Variants in NLRP5 observed in about 807,000 individuals in gnomAD.
NLRP5 encodes the protein NACHT, LRR and PYD domains-containing protein 5.
NLRP5 carries 93 observed loss-of-function variants against 113.1 expected under a neutral mutation model. The observed-to-expected ratio is 0.82, with a 90% CI of 0.70 to 0.98. The LOEUF (loss-of-function observed/expected upper bound fraction) is 0.98, where lower values mean the gene tolerates loss of function less well. NLRP5 is among the 50% of genes least tolerant of loss of function. The probability of loss-of-function intolerance (pLI) is 0.00; values close to 1 mark genes in which losing one functional copy is unlikely to be tolerated. For synonymous variants in NLRP5, 751 were observed against 600.7 expected (o/e 1.25, Z -3.66); for missense variants, 1,808 against 1,514.3 (o/e 1.19, Z -3.22).
At chr19:56,029,591 T>C (rs1983013541) in intron 7 of NLRP5, among the ~76,000 whole-genome samples, 1 of 152,192 alleles carries the variant, frequency 6.6e-6, no homozygotes, top group Non-Finnish European at 1.5e-5. Flanking sequence ...TAGTCACACA[T>C]AGCTGATGCT....
chr19:56,041,524 G>A (rs1983521370), intron 11 of NLRP5, among the ~76,000 whole-genome samples: 1 of 152,162 alleles, frequency 6.6e-6, no homozygotes, highest in South Asian at 2.1e-4. Context: ...TTAACATTGA[G>A]CACATGACCA....
chr19:56,031,206 G>C (rs940555474), intron 7 of NLRP5, among the ~76,000 whole-genome samples: 5 of 152,030 alleles, frequency 3.3e-5, no homozygotes, highest in African/African-American at 1.2e-4. Context: ...TTGAACAATG[G>C]ATCTCTAGAA....
the NLRP5 span, among the ~76,000 whole-genome samples, chr19:55,993,778 GCT>G: frequency 6.6e-6 from 1 of 150,654 alleles, no homozygotes; most frequent in Non-Finnish European, 1.5e-5. Context: ...ACAGGCTGTA[GCT>G]CACATGAAGA....
intron 6 of NLRP5, among the ~76,000 whole-genome samples, chr19:56,024,403 T>TATATATGTGTATATATAC (rs1568489389): frequency 4.6e-5 from 6 of 131,310 alleles, no homozygotes; most frequent in South Asian, 4.5e-4. Context: ...TACATATATG[T>TATATATGTGTATATATAC]ACATATATGT....
At chr19:56,057,761 CAT>C (rs1411476910) in intron 13 of NLRP5, among the ~76,000 whole-genome samples, 1 of 152,166 alleles carries the variant, frequency 6.6e-6, no homozygotes, top group African/African-American at 2.4e-5. Flanking sequence ...TGCAGTGGCT[CAT>C]GCCTGTAATT....
chr19:56,048,403 T>G (rs897832879), intron 11 of NLRP5, among the ~76,000 whole-genome samples: 8 of 152,224 alleles, frequency 5.3e-5, no homozygotes, highest in Non-Finnish European at 1.2e-4. Context: ...GAGCTCCTTT[T>G]AGTGGAGTCT....
At position 56,053,714 on chromosome 19, in the gene NLRP5, A is replaced by G. The variant is rs778004661; in HGVS notation, c.3205A>G (p.Ser1069Gly). The G allele has an allele frequency of 1.2e-6, 2 of 1,613,858 alleles. No homozygotes were observed. The highest frequency in any genetic ancestry group is 1.7e-6 in the Non-Finnish European group (2 of 1,179,866). The change falls in exon 13 of 15, where the codon AGC (serine) becomes GGC (glycine). Residue 1069 changes from serine to glycine, a missense_variant. Ser to Gly is a moderately conservative substitution (Grantham distance 56, BLOSUM62 0). Transcript: ENST00000390649. ...GATCTCGAGGAGCAGACACCTGAAG[A>G]GCCTGGATCTCACGGACAATGCCCT...
chr19:55,998,688 A>ATGTATGTGTGTGTGTG (rs1210718419), upstream of NLRP5, among the ~76,000 whole-genome samples: 1 of 50,294 alleles, frequency 2.0e-5, no homozygotes, highest in Non-Finnish European at 3.5e-5. Flanking sequence ...ATATATATAT[A>ATGTATGTGTGTGTGTG]TATATATATA....
At chr19:56,035,092 C>T (rs1983263862) in intron 9 of NLRP5, among the ~76,000 whole-genome samples, 1 of 152,148 alleles carries the variant, frequency 6.6e-6, no homozygotes, top group Non-Finnish European at 1.5e-5. Context: ...GCACCCGCCA[C>T]CATGCCTGGC....
intron 14 of NLRP5, among the ~76,000 whole-genome samples, chr19:56,060,282 T>C (rs1006945333): frequency 8.6e-5 from 13 of 151,830 alleles, no homozygotes; most frequent in Non-Finnish European, 1.9e-4. Flanking sequence ...GCTATGTATC[T>C]ATTTAAATAT....
intron 11 of NLRP5, among the ~76,000 whole-genome samples, chr19:56,042,548 C>T (rs1983560065): frequency 6.6e-6 from 1 of 152,100 alleles, no homozygotes; most frequent in East Asian, 1.9e-4. Flanking sequence ...AGGGTTTCAC[C>T]ATGTTGTCTA....
chr19:56,058,210 G>C, intron 13 of NLRP5, 30 bp from the exon 14 acceptor site: 1 of 1,577,478 alleles, frequency 6.3e-7, no homozygotes, highest in Non-Finnish European at 8.6e-7. Flanking sequence ...CGATCTTTGG[G>C]GTTATTTTCT....
At chr19:56,008,732 T>C in intron 2 of NLRP5, 56 bp from the exon 3 acceptor site, 2 of 1,468,118 alleles carry the variant, frequency 1.4e-6, no homozygotes, top group Non-Finnish European at 1.9e-6. Flanking sequence ...TATCCTTGGC[T>C]TGGGTAATTA....
Position 56,038,117 on chromosome 19 carries a change from G to A in NLRP5, c.2708G>A (p.Gly903Glu), listed in dbSNP as rs2123319752. The change falls in exon 10 of 15, where the codon GGA (glycine) becomes GAA (glutamate). Residue 903 changes from glycine (G) to glutamate (E), a missense_variant. By Grantham distance (98) the Gly-to-Glu change is moderately conservative (BLOSUM62 -2). Transcript: ENST00000390649. The stretch of plus-strand genomic sequence containing the variant: ...AGCCTGAAATCTCTGAGCCTGGCAG[G>A]AAACAAGGTGACAGACCAGGGAGTA... 1 of 1,613,998 alleles carries A rather than the reference G, an allele frequency of 6.2e-7. No individual in the cohort carries two copies. The highest frequency in any genetic ancestry group is 2.2e-5 in the East Asian group (1 of 44,878).
chr19:55,989,315 G>T, the NLRP5 span, among the ~76,000 whole-genome samples: 1 of 152,276 alleles, frequency 6.6e-6, no homozygotes, highest in South Asian at 2.1e-4. Flanking sequence ...TAGTGCAATG[G>T]CTGGATCTCT....
At chr19:56,006,715 G>A (rs1462972199) in intron 2 of NLRP5, among the ~76,000 whole-genome samples, 2 of 151,750 alleles carry the variant, frequency 1.3e-5, no homozygotes, top group African/African-American at 4.8e-5. Flanking sequence ...CTGGGTGACA[G>A]AGCGAGACTC....
At chr19:56,022,583 C>A (rs181069199) in intron 6 of NLRP5, among the ~76,000 whole-genome samples, 16 of 152,178 alleles carry the variant, frequency 1.1e-4, no homozygotes, top group African/African-American at 3.9e-4. Flanking sequence ...TGGGAAGCCA[C>A]AATTAAATTT....
rs1442745016 is a variant in NLRP5, at chr19:56,027,643, G to A, written c.1410G>A (p.Val470=). The A allele has an allele frequency of 6.2e-7, 1 of 1,613,426 alleles. No individual in the cohort carries two copies. Among genetic ancestry groups the A allele is most frequent in the Non-Finnish European group, 8.5e-7 (1 of 1,179,890 alleles). The change falls in exon 7 of 15, where the codon GTG becomes GTA. Residue 470 remains valine (V), a synonymous_variant. Transcript: ENST00000390649. ...GTGAGCTGCTCGACCAGTGCCAGGT[G>A]CCCGCCGTGGGCTCTCTCATCTGCG...
intron 11 of NLRP5, among the ~76,000 whole-genome samples, chr19:56,045,862 C>T (rs997140519): frequency 6.6e-6 from 1 of 152,114 alleles, no homozygotes; most frequent in African/African-American, 2.4e-5. Flanking sequence ...TAGAATGTTG[C>T]AGGTTGGCTA....
Sources: gnomAD v4.1 joint callset for allele counts (sites outside exome capture counted in the v4.1 genomes callset) on GRCh38, gnomAD v4.1.1 for gene constraint, MANE v1.5 for transcripts, NCBI Gene and HGNC (gene_info 2026-07-23, HGNC 2026-07-21) for gene names.